The following RFWD3 variants were observed in gnomAD, a reference collection of about 807,000 sequenced individuals.
RFWD3 encodes the protein ring finger and WD repeat domain 3.
In RFWD3, 65 loss-of-function variants were observed where a neutral mutation model predicts 87.7. That is an observed-to-expected ratio of 0.74 (90% confidence interval 0.61 to 0.91). The LOEUF (loss-of-function observed/expected upper bound fraction) is 0.91, where lower values mean the gene tolerates loss of function less well. RFWD3 is among the 40% of genes least tolerant of loss of function. The pLI is 0.00. For synonymous variants in RFWD3, 433 were observed against 352.8 expected, an observed-to-expected ratio of 1.23 and a Z score of -2.55; for missense variants, 1,078 against 938.5, an observed-to-expected ratio of 1.15 and a Z score of -1.94.
chr16:74,632,265 G>A (rs558389456), intron 9 of RFWD3, among the ~76,000 whole-genome samples: 42 of 152,042 alleles, frequency 2.8e-4, no homozygotes, highest in Admixed American at 2.3e-3. Flanking sequence ...GGTTGCAGGC[G>A]CCTGTAGTCC....
At chr16:74,663,813 G>A (rs1961658958) in intron 1 of RFWD3, among the ~76,000 whole-genome samples, 1 of 152,204 alleles carries the variant, frequency 6.6e-6, no homozygotes, top group Non-Finnish European at 1.5e-5. Flanking sequence ...GGGGTGAGGT[G>A]TGTTATTGAG....
rs955862239 is a variant in RFWD3, at chr16:74,621,422, A to G, written c.*2506T>C. The G allele has an allele frequency of 6.6e-6, 1 of 152,248 alleles. No individual in the cohort carries two copies. Among genetic ancestry groups the G allele is most frequent in the Non-Finnish European group, 1.5e-5 (1 of 68,042 alleles). The allele number at this position is 152,248 out of a possible 1,614,324, so 9.4% of individuals were successfully genotyped here. A position where few individuals can be genotyped will look rare whatever the true frequency, so the allele number is the denominator to read the frequency against. On this transcript the variant is annotated 3_prime_UTR_variant, in exon 13 of 13. Transcript: ENST00000361070. ...TATACATAGCAAATTCTTTATTTTC[A>G]TATTAACAGTAAAACATAAAACAGA...
At chr16:74,643,678 T>G (rs1184866348) in intron 6 of RFWD3, among the ~76,000 whole-genome samples, 1 of 113,606 alleles carries the variant, frequency 8.8e-6, no homozygotes, top group Non-Finnish European at 2.0e-5. Flanking sequence ...TGTTTTTTTT[T>G]TTTTTTTTTT....
At chr16:74,637,122 T>TAAAAAA (rs759556308) in intron 7 of RFWD3, among the ~76,000 whole-genome samples, 30 of 101,770 alleles carry the variant, frequency 2.9e-4, no homozygotes, top group African/African-American at 5.7e-4. Flanking sequence ...TAAAGTCCTT[T>TAAAAAA]AAAAAAAAAA....
In RFWD3 at chr16:74,655,223, G is replaced by A. The variant is rs556331379; in HGVS notation, c.519-3101C>T. Among the ~76,000 whole-genome samples, 3 of 152,232 alleles carry A rather than the reference G, an allele frequency of 2.0e-5. No homozygotes were observed. In the South Asian group the frequency reaches 6.2e-4, roughly 32 times the overall value. On this transcript the variant is annotated intron_variant, in intron 2 of 12. Transcript: ENST00000361070. Reference sequence around the variant, plus strand: ...TCTCTTGTTAGGGGATAATGCTGCTGGTGACTTCAGTTGAAGCCGATGCTC... The same window carrying A: ...TCTCTTGTTAGGGGATAATGCTGCTAGTGACTTCAGTTGAAGCCGATGCTC...
intron 8 of RFWD3, among the ~76,000 whole-genome samples, chr16:74,633,247 A>G (rs1401563481): frequency 6.8e-6 from 1 of 147,708 alleles, no homozygotes; most frequent in Non-Finnish European, 1.5e-5. Context: ...ACTACACTCC[A>G]GCGTGGGCAA....
At chr16:74,640,831 C>T (rs557059192) in intron 6 of RFWD3, among the ~76,000 whole-genome samples, 3 of 151,794 alleles carry the variant, frequency 2.0e-5, no homozygotes, top group African/African-American at 4.8e-5. Flanking sequence ...CTCAGCTACT[C>T]GTAAGGCTGA....
intron 8 of RFWD3, among the ~76,000 whole-genome samples, chr16:74,633,882 G>A (rs539222612): frequency 1.3e-5 from 2 of 151,856 alleles, no homozygotes; most frequent in African/African-American, 2.4e-5. Context: ...CCCAGGAGGC[G>A]GAGGTTGTAA....
intron 10 of RFWD3, among the ~76,000 whole-genome samples, chr16:74,629,559 G>A (rs571647470): frequency 6.6e-6 from 1 of 152,038 alleles, no homozygotes; most frequent in East Asian, 1.9e-4. Flanking sequence ...CTCGGGAGGT[G>A]GAGGATGCAG....
rs1958795926 is a variant in RFWD3 at position 74,622,357 on chromosome 16, G to C, written c.*1571C>G. 6.6e-6 allele frequency: 1 copy of C among 152,218 alleles called. No individual in the cohort carries two copies. Among genetic ancestry groups the C allele is most frequent in the Admixed American group, 6.5e-5 (1 of 15,276 alleles). 9.4% of individuals were successfully genotyped at this position (152,218 alleles called of 1,614,324 possible). A position where few individuals can be genotyped will look rare whatever the true frequency, so the allele number is the denominator to read the frequency against. The stretch of plus-strand genomic sequence containing the variant: ...CTTCAAATAGGGGCCGGGTGCAGTG[G>C]CTCACGCCTATAATTTTGGCACTTT... On this transcript the variant is annotated 3_prime_UTR_variant, in exon 13 of 13. Transcript: ENST00000361070.
chr16:74,642,419 T>C (rs1051296070), intron 6 of RFWD3, among the ~76,000 whole-genome samples: 2 of 152,110 alleles, frequency 1.3e-5, no homozygotes, highest in Admixed American at 6.5e-5. Flanking sequence ...CCACTGTGCC[T>C]GGCCCTTCTA....
In RFWD3 at chr16:74,660,846, A is replaced by C. The variant is rs1961369887; in HGVS notation, c.518+86T>G. 2.9e-5 allele frequency: 42 copies of C among 1,466,698 alleles called. No individual in the cohort carries two copies. In the South Asian group the frequency reaches 5.7e-4, roughly 20 times the overall value. The allele number at this position is 1,466,698 out of a possible 1,614,324, so 90.9% of individuals were successfully genotyped here. On this transcript the variant is annotated intron_variant, in intron 2 of 12. Coordinates refer to ENST00000361070, the MANE Select transcript of RFWD3 (RefSeq NM_018124.4). ...GAAGTTACCTGACTTGCCAAAAGTC[A>C]CACTGTCAGTCCTTGAATGGCAGAG...
chr16:74,661,566 C>A, intron 1 of RFWD3, 115 bp from the exon 2 acceptor site: 11 of 988,260 alleles, frequency 1.1e-5, no homozygotes, highest in Non-Finnish European at 1.6e-5. Flanking sequence ...CTTAGCAAGA[C>A]TGAGAAGCTT....
rs954950812 is a variant in RFWD3, at chr16:74,623,757, C to G, written c.*171G>C. The G allele has an allele frequency of 9.6e-6, 6 of 621,872 alleles. No homozygotes were observed. The highest frequency in any genetic ancestry group is 1.7e-5 in the Non-Finnish European group (6 of 360,726). The allele number at this position is 621,872 out of a possible 1,614,324, so 38.5% of individuals were successfully genotyped here. ...TCTTTTAGTGGACATAACAGATACA[C>G]AATCTGTAGTGTCTCAGTGACCTAG... is the stretch of plus-strand genomic sequence containing the variant. On this transcript the variant is annotated 3_prime_UTR_variant, in exon 13 of 13. Coordinates refer to ENST00000361070, the MANE Select transcript of RFWD3 (RefSeq NM_018124.4).
At position 74,652,156 on chromosome 16, in the gene RFWD3, C is replaced by T. The variant is rs370644134; in HGVS notation, c.519-34G>A. On this transcript the variant is annotated intron_variant, in intron 2 of 12. Transcript: ENST00000361070. ...ACAGAAAGACAACGGAATTATAGTA[C>T]AATGAACTATCATCACAAAAACAAT... The T allele has an allele frequency of 4.3e-5, 67 of 1,573,064 alleles. No individual in the cohort carries two copies. In the African/African-American group the frequency reaches 8.0e-4, roughly 19 times the overall value.
At chr16:74,664,626 G>C (rs1422017385) in intron 1 of RFWD3, 2 of 152,164 alleles carry the variant, frequency 1.3e-5, no homozygotes, top group East Asian at 1.9e-4. Flanking sequence ...GTGTGCACCT[G>C]TGGTCCTAGC....
chr16:74,625,244 A>C (rs1253255871), intron 12 of RFWD3, among the ~76,000 whole-genome samples: 2 of 149,718 alleles, frequency 1.3e-5, no homozygotes, highest in Non-Finnish European at 3.0e-5. Context: ...AAAGGTAGAG[A>C]GCACGGTGGC....
At chr16:74,657,186 T>C (rs528863377) in intron 2 of RFWD3, among the ~76,000 whole-genome samples, 17 of 152,318 alleles carry the variant, frequency 1.1e-4, no homozygotes, top group Admixed American at 9.2e-4. Flanking sequence ...CCAATCCCTC[T>C]GGTGCCTGCC....
intron 2 of RFWD3, among the ~76,000 whole-genome samples, chr16:74,654,610 G>A (rs78888132): frequency 1.3e-5 from 2 of 152,070 alleles, no homozygotes; most frequent in African/African-American, 2.4e-5. Context: ...GGAAGAGTCA[G>A]GCATCTCTCA....
Sources: gnomAD v4.1 joint callset for allele counts (sites outside exome capture counted in the v4.1 genomes callset) on GRCh38, gnomAD v4.1.1 for gene constraint, MANE v1.5 for transcripts, NCBI Gene and HGNC (gene_info 2026-07-23, HGNC 2026-07-21) for gene names.